Variants in SERTAD4 observed in about 807,000 individuals in gnomAD.
SERTAD4 encodes the protein SERTA domain-containing protein 4.
SERTAD4 carries 18 observed loss-of-function variants against 32.9 expected under a neutral mutation model. The ratio of observed to expected loss-of-function variants is 0.55; its 90% CI spans 0.38 to 0.81. The LOEUF (loss-of-function observed/expected upper bound fraction) is 0.81, where lower values mean the gene tolerates loss of function less well. Ranked by LOEUF, SERTAD4 falls within the 30% of genes least tolerant of loss-of-function variation. SERTAD4 has a pLI of 0.00. For missense variants in SERTAD4, 383 were observed against 426.0 expected, an observed-to-expected ratio of 0.90 and a Z score of 0.89; for synonymous variants, 150 against 156.4, an observed-to-expected ratio of 0.96 and a Z score of 0.30.
chr1:210,245,873 G>A lies in SERTAD4; in HGVS notation c.*3536G>A. 2 of 985,176 alleles carry A rather than the reference G, an allele frequency of 2.0e-6. No individual in the cohort carries two copies. Among genetic ancestry groups the A allele is most frequent in the Non-Finnish European group, 2.4e-6 (2 of 829,770 alleles). The allele number at this position is 985,176 out of a possible 1,614,324, so 61.0% of individuals were successfully genotyped here. On this transcript the variant is annotated 3_prime_UTR_variant, in exon 4 of 4. Coordinates refer to ENST00000367012, the MANE Select transcript of SERTAD4 (RefSeq NM_019605.5). ...CAACTTCGCAACAAATATAAGACAA[G>A]GATACAAGGATTCCTATGTGATGCA... is the stretch of plus-strand genomic sequence containing the variant.
At chr1:210,234,298 C>T (rs2083919592) in intron 1 of SERTAD4, among the ~76,000 whole-genome samples, 1 of 152,148 alleles carries the variant, frequency 6.6e-6, no homozygotes, top group Non-Finnish European at 1.5e-5. Context: ...AACCGCCACA[C>T]ACACACACAC....
chr1:210,245,986 C>T lies in SERTAD4; in HGVS notation c.*3649C>T. The T allele has an allele frequency of 2.1e-6, 2 of 944,672 alleles. No homozygotes were observed. Among genetic ancestry groups the T allele is most frequent in the Non-Finnish European group, 2.5e-6 (2 of 793,004 alleles). The allele number at this position is 944,672 out of a possible 1,614,324, so 58.5% of individuals were successfully genotyped here. A position where few individuals can be genotyped will look rare whatever the true frequency, so the allele number is the denominator to read the frequency against. ...GTGAAATTCCATTTTTCTGACAGCC[C>T]CTTAAATTTGAAGTTATTTCATTTG... is the stretch of plus-strand genomic sequence containing the variant. On this transcript the variant is annotated 3_prime_UTR_variant, in exon 4 of 4. Transcript: ENST00000367012.
chr1:210,239,651 A>G (rs758698359), intron 3 of SERTAD4, 43 bp downstream of exon 3: 2 of 1,142,736 alleles, frequency 1.8e-6, no homozygotes, highest in South Asian at 1.4e-5. Flanking sequence ...AGAGTTTAAG[A>G]TACTTAGTAA....
At chr1:210,240,766 G>A (rs1363792757) in intron 3 of SERTAD4, among the ~76,000 whole-genome samples, 7 of 152,092 alleles carry the variant, frequency 4.6e-5, no homozygotes, top group Admixed American at 4.6e-4. Context: ...GCCTACTTTG[G>A]TCCTTCAACT....
At position 210,242,144 on chromosome 1, in the gene SERTAD4, ATGGTGGCCCCCTCAG is replaced by A; in HGVS notation, c.879_893del (p.Gly294_Ser298del). ...AAAGCAAATGATGACACCAACAGAG[ATGGTGGCCCCCTCAG>A]CCACGAACCTGTGGGAAATGACCTT... On this transcript the variant is annotated inframe_deletion, in exon 4 of 4. Coordinates refer to ENST00000367012, the MANE Select transcript of SERTAD4 (RefSeq NM_019605.5). This position sits in a 1 kb window ranked among gnomAD's most constrained non-coding sequence, Gnocchi z 4.0. The A allele has an allele frequency of 6.2e-7, 1 of 1,614,216 alleles. No homozygotes were observed. Among genetic ancestry groups the A allele is most frequent in the Non-Finnish European group, 8.5e-7 (1 of 1,180,038 alleles).
intron 1 of SERTAD4, chr1:210,234,062 G>A (rs1358260776): frequency 3.3e-6 from 1 of 300,804 alleles, no homozygotes. Context: ...GCACACGGCT[G>A]CGGCACCGTA....
chr1:210,240,370 C>T (rs921968441), intron 3 of SERTAD4, among the ~76,000 whole-genome samples: 2 of 152,152 alleles, frequency 1.3e-5, no homozygotes, highest in African/African-American at 2.4e-5. Context: ...ATTCTTCTTC[C>T]TCTCTGTCTC....
Position 210,243,093 on chromosome 1 carries a change from C to CAAAAAA in SERTAD4, c.*773_*778dup, listed in dbSNP as rs57426441. ...TACAGCAGGGATTTAACAAACAGGA[C>CAAAAAA]AAAAAAAAAAAAAAAAAAAAAACCA... On this transcript the variant is annotated 3_prime_UTR_variant, in exon 4 of 4. Coordinates refer to ENST00000367012, the MANE Select transcript of SERTAD4 (RefSeq NM_019605.5). 538 of 484,026 alleles carry CAAAAAA rather than the reference C, an allele frequency of 1.1e-3. No homozygotes were observed. The highest frequency in any genetic ancestry group is 2.1e-3 in the Middle Eastern group (2 of 950). The allele number at this position is 484,026 out of a possible 1,614,324, so 30.0% of individuals were successfully genotyped here. A position where few individuals can be genotyped will look rare whatever the true frequency, so the allele number is the denominator to read the frequency against.
Position 210,242,385 on chromosome 1 carries a change from C to G in SERTAD4, c.*48C>G. 1 of 1,519,062 alleles carries G rather than the reference C, an allele frequency of 6.6e-7. No individual in the cohort carries two copies. Among genetic ancestry groups the G allele is most frequent in the Non-Finnish European group, 8.8e-7 (1 of 1,137,892 alleles). The allele number at this position is 1,519,062 out of a possible 1,614,324, so 94.1% of individuals were successfully genotyped here. ...AAGCATGCACAGCATGATCAGTTAG[C>G]TCTCGTAAATTTTATTTTGAATGGA... On this transcript the variant is annotated 3_prime_UTR_variant, in exon 4 of 4. Coordinates refer to ENST00000367012, the MANE Select transcript of SERTAD4 (RefSeq NM_019605.5). The surrounding 1 kb of genome is among the most constrained non-coding windows in gnomAD (Gnocchi z 4.0).
At chr1:210,239,915 T>G (rs1475846463) in intron 3 of SERTAD4, among the ~76,000 whole-genome samples, 2 of 152,176 alleles carry the variant, frequency 1.3e-5, no homozygotes, top group South Asian at 2.1e-4. Context: ...TCCACACTTT[T>G]GTGTGTGGGG....
intron 1 of SERTAD4, 64 bp downstream of exon 1, chr1:210,233,075 C>T (rs2083893367): frequency 6.6e-6 from 1 of 151,670 alleles, no homozygotes; most frequent in Admixed American, 6.6e-5. Flanking sequence ...AGGGCGAGGG[C>T]CCCCCGGGGC....
rs759620992 is a variant in SERTAD4 at position 210,242,054 on chromosome 1, A to G, written c.788A>G (p.Asn263Ser). Residue 263 changes from asparagine (N) to serine (S), a missense_variant, in exon 4 of 4, where the codon AAT (asparagine) becomes AGT (serine). Transcript: ENST00000367012. The surrounding 1 kb of genome is among the most constrained non-coding windows in gnomAD (Gnocchi z 4.0). ...AAGAGTGATGGCCAGATACCTGCCA[A>G]TGAAATCTTTGTCACTAATGTCAGA... ...IYKSDGQIPA[N>S]EIFVTNVRSL... The G allele has an allele frequency of 6.8e-6, 11 of 1,614,074 alleles. No homozygotes were observed. The East Asian group carries it at 1.6e-4, about 23-fold the overall frequency.
rs1397174744 is a variant in SERTAD4 at position 210,239,411 on chromosome 1, A to G, written c.176-82A>G. ...AATATGTAGCCAAGTTATCCTCTAG[A>G]AGGAAAGGAAACGAAAGTATTTTGT... is the stretch of plus-strand genomic sequence containing the variant. On this transcript the variant is annotated intron_variant, in intron 2 of 3. Transcript: ENST00000367012. 9 of 802,924 alleles carry G rather than the reference A, an allele frequency of 1.1e-5. No homozygotes were observed. The Admixed American group carries it at 1.6e-4, about 14-fold the overall frequency. The allele number at this position is 802,924 out of a possible 1,614,324, so 49.7% of individuals were successfully genotyped here.
intron 3 of SERTAD4, 105 bp from the exon 4 acceptor site, chr1:210,241,453 A>C: frequency 8.4e-7 from 1 of 1,194,788 alleles, no homozygotes. Flanking sequence ...AGACAGTGCC[A>C]AGAAAGAAGT....
intron 1 of SERTAD4, among the ~76,000 whole-genome samples, chr1:210,233,310 G>C (rs964783529): frequency 6.6e-6 from 1 of 152,014 alleles, no homozygotes; most frequent in African/African-American, 2.4e-5. Context: ...AGGGCTGCTC[G>C]GGCTGCCACC....
At position 210,232,866 on chromosome 1, in the gene SERTAD4, T is replaced by C. The variant is rs1487993763; in HGVS notation, c.-163T>C. 1.3e-5 allele frequency: 2 copies of C among 150,270 alleles called. No homozygotes were observed. The highest frequency in any genetic ancestry group is 3.9e-4 in the East Asian group (2 of 5,096). 9.3% of individuals were successfully genotyped at this position (150,270 alleles called of 1,614,324 possible). ...CGGCGGCGGGACCTGCCGGGACCCT[T>C]GCCCGCCGCGCACCCGCAGTCACCG... is the stretch of plus-strand genomic sequence containing the variant. On this transcript the variant is annotated 5_prime_UTR_variant, in exon 1 of 4. Coordinates refer to ENST00000367012, the MANE Select transcript of SERTAD4 (RefSeq NM_019605.5).
intron 1 of SERTAD4, among the ~76,000 whole-genome samples, chr1:210,236,129 C>CA (rs1363613475): frequency 6.6e-6 from 1 of 152,208 alleles, no homozygotes; most frequent in Non-Finnish European, 1.5e-5. Context: ...AAATGATAGA[C>CA]AGAAGGACTT....
In SERTAD4 at chr1:210,243,405, C is replaced by T. The variant is rs2084019763; in HGVS notation, c.*1068C>T. 6.6e-6 allele frequency: 1 copy of T among 152,288 alleles called. No individual in the cohort carries two copies. The highest frequency in any genetic ancestry group is 2.1e-4 in the South Asian group (1 of 4,826). The allele number at this position is 152,288 out of a possible 1,614,324, so 9.4% of individuals were successfully genotyped here. On this transcript the variant is annotated 3_prime_UTR_variant, in exon 4 of 4. Transcript: ENST00000367012. ...TCACGAACCAGTGGCATGCATTATA[C>T]TTTTCTCTGTTTTGCATCATTTCAC... is the stretch of plus-strand genomic sequence containing the variant.
intron 1 of SERTAD4, chr1:210,233,550 C>G (rs372285666): frequency 5.0e-6 from 2 of 399,562 alleles, no homozygotes; most frequent in African/African-American, 2.2e-5. Flanking sequence ...CACCTTCTGT[C>G]CCCCGCCACC....
Sources: allele counts gnomAD v4.1 joint callset (sites outside exome capture counted in the v4.1 genomes callset), GRCh38; gene constraint gnomAD v4.1.1; non-coding constraint Gnocchi (gnomAD v3.1); transcripts MANE v1.5; gene names NCBI Gene and HGNC (gene_info 2026-07-23, HGNC 2026-07-21).